The following MYO1H variants were observed in gnomAD, a reference collection of about 807,000 sequenced individuals.
MYO1H encodes unconventional myosin-Ih.
MYO1H carries 118 observed loss-of-function variants against 149.3 expected under a neutral mutation model. The observed-to-expected ratio is 0.79, with a 90% CI of 0.68 to 0.92. The LOEUF (loss-of-function observed/expected upper bound fraction) is 0.92. MYO1H is among the 40% of genes least tolerant of loss of function. The pLI is 0.00. For missense variants in MYO1H, 1,212 were observed against 1,280.7 expected, an observed-to-expected ratio of 0.95 and a Z score of 0.82; for synonymous variants, 447 against 465.2, an observed-to-expected ratio of 0.96 and a Z score of 0.50.
chr12:109,426,430 G>A lies in MYO1H; in HGVS notation c.1831+379G>A, dbSNP rs1429680172. On this transcript the variant is annotated intron_variant, in intron 18 of 31. Coordinates refer to ENST00000310903, the Ensembl canonical transcript of MYO1H. ...AGTCCCATCTACTTGGGAGGCTGAG[G>A]TGGGAGGATCAATTGATCCCAGGAG... Among the ~76,000 whole-genome samples, 4 of 152,202 alleles carry A rather than the reference G, an allele frequency of 2.6e-5. No individual in the cohort carries two copies. In the East Asian group the frequency reaches 7.7e-4, roughly 29 times the overall value.
At position 109,415,509 on chromosome 12, in the gene MYO1H, C is replaced by G; in HGVS notation, c.1503-17C>G. 6.3e-7 allele frequency: 1 copy of G among 1,588,526 alleles called. No individual in the cohort carries two copies. Among genetic ancestry groups the G allele is most frequent in the Non-Finnish European group, 8.6e-7 (1 of 1,167,238 alleles). ...AAAGAAAAGAAAGTTCAACTCGTGT[C>G]TATTTCTGTCTCGTAGCCGTAAGCT... On this transcript the variant is annotated splice_polypyrimidine_tract_variant and intron_variant, in intron 14 of 31. Transcript: ENST00000310903.
exon 2 of MYO1H, chr12:109,388,706 C>T (rs367732283): frequency 2.5e-5 from 39 of 1,590,922 alleles, no homozygotes; most frequent in Non-Finnish European, 2.7e-5. Context: ...GGAGGAAACA[C>T]ATCCGTCTGC....
intron 2 of MYO1H, among the ~76,000 whole-genome samples, chr12:109,391,516 G>A (rs1362147648): frequency 2.6e-5 from 4 of 152,100 alleles, no homozygotes; most frequent in African/African-American, 7.2e-5. Flanking sequence ...TGTCTTTGAT[G>A]TTGTGAATAG....
chr12:109,344,876 GA>G (rs897543740), upstream of MYO1H, among the ~76,000 whole-genome samples: 3 of 152,146 alleles, frequency 2.0e-5, no homozygotes, highest in African/African-American at 7.2e-5. Context: ...CTCAATGGGG[GA>G]AAGAATAATT....
rs189628489 is a variant in MYO1H, at chr12:109,389,209, C to G, written c.174+365C>G. 1.1e-3 allele frequency among the ~76,000 whole-genome samples: 168 copies of G among 152,300 alleles called. 1 individual carries two copies. Among genetic ancestry groups the G allele is most frequent in the African/African-American group, 3.4e-3 (142 of 41,562 alleles). Reference sequence around the variant, plus strand: ...GCAGCAAGATGGCTGCCCTCAGATCCAGGCTGTCATTTTATCAGCTCAGGG... The same window carrying G: ...GCAGCAAGATGGCTGCCCTCAGATCGAGGCTGTCATTTTATCAGCTCAGGG... On this transcript the variant is annotated intron_variant, in intron 2 of 31. Coordinates refer to ENST00000310903, the Ensembl canonical transcript of MYO1H.
intron 30 of MYO1H, among the ~76,000 whole-genome samples, chr12:109,444,817 A>G (rs1417209573): frequency 1.3e-5 from 2 of 152,036 alleles, no homozygotes; most frequent in East Asian, 3.9e-4. Context: ...GCAATGAGCC[A>G]AGATCACACC....
intron 19 of MYO1H, among the ~76,000 whole-genome samples, chr12:109,429,003 G>A (rs1871499254): frequency 6.6e-6 from 1 of 152,160 alleles, no homozygotes; most frequent in Admixed American, 6.6e-5. Context: ...GAGGTCAGAA[G>A]TTCAAGACCA....
the MYO1H span, among the ~76,000 whole-genome samples, chr12:109,316,467 G>A: frequency 9.7e-4 from 147 of 152,314 alleles, 4 homozygotes; most frequent in Admixed American, 7.7e-3. Context: ...GAAGTGAGGT[G>A]AACGTGAAAC....
the MYO1H span, among the ~76,000 whole-genome samples, chr12:109,342,404 C>T: frequency 4.0e-5 from 6 of 151,720 alleles, no homozygotes; most frequent in Admixed American, 1.3e-4. Context: ...CTTGGCCTCC[C>T]GAAGTGTTGG....
intron 15 of MYO1H, among the ~76,000 whole-genome samples, 196 bp from the exon 16 acceptor site, chr12:109,420,785 A>G (rs1369214551): frequency 1.3e-5 from 2 of 152,176 alleles, no homozygotes; most frequent in Non-Finnish European, 2.9e-5. Flanking sequence ...ATGCTTCTCA[A>G]CATCCCACAA....
rs761037650 is a variant in MYO1H at position 109,406,782 on chromosome 12, C to T, written c.964-7C>T. 6 of 1,613,554 alleles carry T rather than the reference C, an allele frequency of 3.7e-6. 1 individual carries two copies. The South Asian group carries it at 6.6e-5, about 18-fold the overall frequency. ...TGAATAGCATTCTGGATTTCTTTTA[C>T]ATGCAGCTCCTGGGGGTCCACCCAT... On this transcript the variant is annotated splice_region_variant and splice_polypyrimidine_tract_variant and intron_variant, in intron 8 of 31. Coordinates refer to ENST00000310903, the Ensembl canonical transcript of MYO1H.
chr12:109,430,695 G>A (rs188648965), intron 19 of MYO1H, among the ~76,000 whole-genome samples: 4 of 152,282 alleles, frequency 2.6e-5, no homozygotes, highest in East Asian at 1.9e-4. Context: ...TTGGGAGGCC[G>A]AAAAGTGATC....
At chr12:109,415,366 T>G (rs1870857001) in intron 14 of MYO1H, among the ~76,000 whole-genome samples, 160 bp from the exon 15 acceptor site, 1 of 152,090 alleles carries the variant, frequency 6.6e-6, no homozygotes, top group South Asian at 2.1e-4. Context: ...TCTCAGCTAC[T>G]CCAGAGGCTG....
intron 21 of MYO1H, among the ~76,000 whole-genome samples, chr12:109,435,710 G>T (rs1258083195): frequency 6.6e-6 from 1 of 152,208 alleles, no homozygotes; most frequent in Non-Finnish European, 1.5e-5. Context: ...TGACATAGGT[G>T]CTATCGTCTC....
intron 13 of MYO1H, among the ~76,000 whole-genome samples, chr12:109,411,601 G>A (rs955078211): frequency 1.2e-4 from 12 of 100,956 alleles, no homozygotes; most frequent in African/African-American, 4.2e-4. Flanking sequence ...TAGAGAAAAC[G>A]AGGTTGGTCA....
At chr12:109,441,309 TGA>T (rs768375120) in intron 25 of MYO1H, among the ~76,000 whole-genome samples, 1 of 152,202 alleles carries the variant, frequency 6.6e-6, no homozygotes, top group Non-Finnish European at 1.5e-5. Flanking sequence ...GACAGCAGGC[TGA>T]GTTTGGCCTG....
chr12:109,399,460 C>T (rs1240206557), intron 5 of MYO1H, among the ~76,000 whole-genome samples: 2 of 151,694 alleles, frequency 1.3e-5, no homozygotes, highest in Admixed American at 6.6e-5. Context: ...AGTGTGGTGG[C>T]GCACACCTGT....
intron 16 of MYO1H, among the ~76,000 whole-genome samples, chr12:109,424,372 T>G (rs767861516): frequency 5.7e-4 from 86 of 152,184 alleles, no homozygotes; most frequent in Non-Finnish European, 7.3e-4. Flanking sequence ...CAGGCTGGTC[T>G]CAAACTCCTG....
intron 1 of MYO1H, among the ~76,000 whole-genome samples, chr12:109,366,112 A>G (rs1029130689): frequency 6.6e-6 from 1 of 152,212 alleles, no homozygotes; most frequent in Non-Finnish European, 1.5e-5. Flanking sequence ...ATTGTCTTCC[A>G]CGAAACCAGT....
Sources: allele counts gnomAD v4.1 joint callset (sites outside exome capture counted in the v4.1 genomes callset), GRCh38; gene constraint gnomAD v4.1.1; transcripts MANE v1.5; gene names NCBI Gene and HGNC (gene_info 2026-07-23, HGNC 2026-07-21).